The following MED12L variants were observed in gnomAD, a reference collection of about 807,000 sequenced individuals.
MED12L encodes mediator of RNA polymerase II transcription subunit 12-like protein.
Under a neutral mutation model 281.3 loss-of-function variants are expected in MED12L, and 60 were observed. That is an observed-to-expected ratio of 0.21 (90% CI 0.17 to 0.26). The LOEUF (loss-of-function observed/expected upper bound fraction) is 0.26. Among genes scored for constraint, MED12L ranks in the 10% least tolerant of loss-of-function variants. The pLI, the probability that MED12L is intolerant of heterozygous loss-of-function variation, is 1.00. For synonymous variants in MED12L, 974 were observed against 987.2 expected, an observed-to-expected ratio of 0.99 and a Z score of 0.25; for missense variants, 2,146 against 2,680.9, an observed-to-expected ratio of 0.80 and a Z score of 4.41.
chr3:151,417,432 A>G (rs562349848), intron 43 of MED12L, among the ~76,000 whole-genome samples: 1 of 150,168 alleles, frequency 6.7e-6, no homozygotes, highest in South Asian at 2.1e-4. Context: ...TCCATAGTAC[A>G]TTTAACAAAC....
intron 21 of MED12L, among the ~76,000 whole-genome samples, chr3:151,362,711 C>T (rs1754763599): frequency 6.6e-6 from 1 of 151,188 alleles, no homozygotes; most frequent in Admixed American, 6.6e-5. Flanking sequence ...TCTTAGTAGG[C>T]ACTGAAAAAA....
At position 151,377,304 on chromosome 3, in the gene MED12L, G is replaced by A. The variant is rs1443375597; in HGVS notation, c.4316+126G>A. The A allele has an allele frequency of 9.7e-6, 7 of 723,622 alleles. No individual in the cohort carries two copies. The East Asian group carries it at 1.6e-4, about 17-fold the overall frequency. The allele number at this position is 723,622 out of a possible 1,614,324, so 44.8% of individuals were successfully genotyped here. Reference sequence around the variant, plus strand: ...AAGAACATAGTTACTTGTAAGCAGGGATTATTATTAATAAGTTAATGAGTA... The same window carrying A: ...AAGAACATAGTTACTTGTAAGCAGGAATTATTATTAATAAGTTAATGAGTA... On this transcript the variant is annotated intron_variant, in intron 30 of 44. Transcript: ENST00000687756.
chr3:151,311,643 C>T (rs955230804), intron 16 of MED12L, among the ~76,000 whole-genome samples: 17 of 152,124 alleles, frequency 1.1e-4, no homozygotes, highest in Admixed American at 6.5e-4. Flanking sequence ...ATTGTAGCTG[C>T]GATTATTTAA....
chr3:151,093,195 T>G (rs1013687396), intron 2 of MED12L, among the ~76,000 whole-genome samples: 1 of 152,130 alleles, frequency 6.6e-6, no homozygotes, highest in African/African-American at 2.4e-5. Context: ...TCCCAGCTAC[T>G]AGGGAGGTCA....
At chr3:151,097,301 AGAG>A (rs1210310126) in intron 2 of MED12L, among the ~76,000 whole-genome samples, 1 of 152,208 alleles carries the variant, frequency 6.6e-6, no homozygotes, top group African/African-American at 2.4e-5. Flanking sequence ...GACCCTGAGA[AGAG>A]GAGAAAAATA....
chr3:151,090,895 G>T (rs1381956632), intron 2 of MED12L, among the ~76,000 whole-genome samples: 1 of 152,100 alleles, frequency 6.6e-6, no homozygotes, highest in Non-Finnish European at 1.5e-5. Flanking sequence ...ACAAAAATTA[G>T]CTGGGCATGG....
chr3:151,396,923 T>G (rs371176727), intron 39 of MED12L, among the ~76,000 whole-genome samples: 1 of 152,230 alleles, frequency 6.6e-6, no homozygotes, highest in Non-Finnish European at 1.5e-5. Flanking sequence ...ATAATCTACA[T>G]GTAATCAAAG....
At chr3:151,302,633 G>A (rs146413472) in intron 16 of MED12L, among the ~76,000 whole-genome samples, 10 of 152,220 alleles carry the variant, frequency 6.6e-5, no homozygotes, top group African/African-American at 1.7e-4. Flanking sequence ...TAACCAAACT[G>A]CAGACTGTCA....
At chr3:151,423,168 T>C (rs1284276132) in intron 43 of MED12L, among the ~76,000 whole-genome samples, 1 of 151,626 alleles carries the variant, frequency 6.6e-6, no homozygotes, top group Non-Finnish European at 1.5e-5. Flanking sequence ...TACAGGTGCC[T>C]GCCACCATGC....
chr3:151,323,709 C>T (rs1027425559), intron 16 of MED12L, among the ~76,000 whole-genome samples: 4 of 152,196 alleles, frequency 2.6e-5, no homozygotes, highest in African/African-American at 9.7e-5. Flanking sequence ...CCTCTTATCA[C>T]ATCTTGAGTC....
In MED12L at chr3:151,375,970, C is replaced by CATATATATATATATATATATATATATAT. The variant is rs148538586; in HGVS notation, c.3865-45_3865-44insTATATATATATATATATATATATATATA. 430 of 812,896 alleles carry CATATATATATATATATATATATATATAT rather than the reference C, an allele frequency of 5.3e-4. 3 individuals carry two copies. Among genetic ancestry groups the CATATATATATATATATATATATATATAT allele is most frequent in the Admixed American group, 1.6e-3 (58 of 35,216 alleles). 50.4% of individuals were successfully genotyped at this position (812,896 alleles called of 1,614,324 possible). The stretch of plus-strand genomic sequence containing the variant: ...TGCACTGTGGATTTAGTACATATTG[C>CATATATATATATATATATATATATATAT]ATATATATATACCGAAAGCCAGTGC... On this transcript the variant is annotated intron_variant, in intron 27 of 44. Coordinates refer to ENST00000687756, the MANE Select transcript of MED12L (RefSeq NM_001393769.1).
intron 16 of MED12L, among the ~76,000 whole-genome samples, chr3:151,346,609 G>A (rs1752575895): frequency 6.6e-6 from 1 of 152,094 alleles, no homozygotes; most frequent in Non-Finnish European, 1.5e-5. Flanking sequence ...TCTTTCTTAT[G>A]TATCCCCTCC....
At chr3:151,384,590 C>T (rs1192125568) in intron 35 of MED12L, 2 of 187,986 alleles carry the variant, frequency 1.1e-5, no homozygotes, top group South Asian at 1.4e-4. Flanking sequence ...TTCATTTGAC[C>T]GACCACTAAC....
At chr3:151,382,556 A>T in intron 32 of MED12L, 100 bp from the exon 33 acceptor site, 1 of 633,184 alleles carries the variant, frequency 1.6e-6, no homozygotes, top group Non-Finnish European at 2.6e-6. Flanking sequence ...TTAATTTGTT[A>T]AAGATAAGAA....
At chr3:151,113,133 A>G (rs972990615) in intron 2 of MED12L, among the ~76,000 whole-genome samples, 2 of 152,214 alleles carry the variant, frequency 1.3e-5, no homozygotes, top group Non-Finnish European at 2.9e-5. Context: ...GAATGGGTGG[A>G]CAGTTCCAGT....
chr3:151,129,334 C>T (rs762899594), intron 5 of MED12L, among the ~76,000 whole-genome samples: 4 of 151,998 alleles, frequency 2.6e-5, no homozygotes, highest in South Asian at 4.2e-4. Flanking sequence ...TCATCCTATA[C>T]GTGTTAAAAG....
At chr3:151,263,413 A>C (rs570112796) in intron 16 of MED12L, among the ~76,000 whole-genome samples, 2 of 152,216 alleles carry the variant, frequency 1.3e-5, no homozygotes, top group Non-Finnish European at 2.9e-5. Context: ...ACAATTTGCT[A>C]TCATAGTGAA....
chr3:151,350,295 T>C (rs1753061714), intron 17 of MED12L, 89 bp downstream of exon 17: 1 of 1,287,212 alleles, frequency 7.8e-7, no homozygotes, highest in Non-Finnish European at 1.1e-6. Context: ...TATGTCACTG[T>C]CAACAGAGCG....
At chr3:151,320,241 A>G (rs1273074761) in intron 16 of MED12L, among the ~76,000 whole-genome samples, 9 of 152,218 alleles carry the variant, frequency 5.9e-5, no homozygotes, top group Non-Finnish European at 2.9e-5. Context: ...CTTCTTAAGG[A>G]AAATGCACAT....
Sources: gnomAD v4.1 joint callset for allele counts (sites outside exome capture counted in the v4.1 genomes callset) on GRCh38, gnomAD v4.1.1 for gene constraint, MANE v1.5 for transcripts, NCBI Gene and HGNC (gene_info 2026-07-23, HGNC 2026-07-21) for gene names.